Variants in ERC2 observed in about 807,000 individuals in gnomAD.
ERC2 encodes ELKS/RAB6-interacting/CAST family member 2.
In ERC2, 42 loss-of-function variants were observed where a neutral mutation model predicts 114.8. The observed-to-expected ratio is 0.37, with a 90% CI of 0.29 to 0.47. The LOEUF (loss-of-function observed/expected upper bound fraction) is 0.47. Ranked by LOEUF, ERC2 falls within the 20% of genes least tolerant of loss-of-function variation. The pLI is 0.99. For synonymous variants in ERC2, 454 were observed against 425.5 expected (o/e 1.07, Z -0.82); for missense variants, 939 against 1,150.7 (o/e 0.82, Z 2.66).
In ERC2 at chr3:55,992,047, T is replaced by G. The variant is rs374748921; in HGVS notation, c.2255+10A>C. 1.2e-6 allele frequency: 2 copies of G among 1,610,422 alleles called. No individual in the cohort carries two copies. Among genetic ancestry groups the G allele is most frequent in the East Asian group, 2.2e-5 (1 of 44,824 alleles). On this transcript the variant is annotated intron_variant, in intron 11 of 17. Coordinates refer to ENST00000288221, the MANE Select transcript of ERC2 (RefSeq NM_015576.3). The stretch of plus-strand genomic sequence containing the variant: ...TCACTGCCAACAATTTATATAACTG[T>G]AAAATTTACCTCTCCAGTTCTGCGA...
intron 3 of ERC2, among the ~76,000 whole-genome samples, chr3:56,273,601 CTG>C (rs1286736219): frequency 7.8e-6 from 1 of 128,996 alleles, no homozygotes; most frequent in Non-Finnish European, 1.8e-5. Context: ...ATCAAACAAA[CTG>C]TATTTTTTTT....
At chr3:55,553,213 G>A (rs997075038) in intron 17 of ERC2, among the ~76,000 whole-genome samples, 3 of 150,574 alleles carry the variant, frequency 2.0e-5, no homozygotes, top group Non-Finnish European at 3.0e-5. Flanking sequence ...GTAGAGACGG[G>A]GTTTCATCAT....
At chr3:55,691,757 C>T (rs895498020) in intron 16 of ERC2, among the ~76,000 whole-genome samples, 1 of 151,376 alleles carries the variant, frequency 6.6e-6, no homozygotes, top group African/African-American at 2.4e-5. Flanking sequence ...TTAGTAAGCC[C>T]TGATATACGG....
chr3:56,293,898 G>A (rs1293071460), intron 3 of ERC2, among the ~76,000 whole-genome samples: 3 of 152,198 alleles, frequency 2.0e-5, no homozygotes, highest in Admixed American at 1.3e-4. Flanking sequence ...CTATCAATGA[G>A]CAGAATCTAA....
At chr3:55,615,219 T>C (rs1013410468) in intron 17 of ERC2, among the ~76,000 whole-genome samples, 5 of 152,242 alleles carry the variant, frequency 3.3e-5, no homozygotes, top group Non-Finnish European at 1.5e-5. Flanking sequence ...AGTACTGTTC[T>C]ACACTTTGTA....
At chr3:56,186,353 T>C (rs1422555375) in intron 3 of ERC2, among the ~76,000 whole-genome samples, 1 of 148,976 alleles carries the variant, frequency 6.7e-6, no homozygotes, top group African/African-American at 2.5e-5. Flanking sequence ...TGTTGGAGAG[T>C]TTTTTTTTCT....
At chr3:56,031,619 A>C (rs143393021) in intron 7 of ERC2, among the ~76,000 whole-genome samples, 1 of 152,222 alleles carries the variant, frequency 6.6e-6, no homozygotes, top group Non-Finnish European at 1.5e-5. Flanking sequence ...ATACCACCCA[A>C]TGAACAAAAT....
At chr3:56,260,666 T>C (rs2052857619) in intron 3 of ERC2, among the ~76,000 whole-genome samples, 2 of 152,226 alleles carry the variant, frequency 1.3e-5, no homozygotes, top group African/African-American at 4.8e-5. Flanking sequence ...TATTAACCGC[T>C]ATGCTCCACC....
At chr3:55,567,329 T>C (rs560558182) in intron 17 of ERC2, among the ~76,000 whole-genome samples, 23 of 152,082 alleles carry the variant, frequency 1.5e-4, no homozygotes, top group African/African-American at 5.5e-4. Flanking sequence ...GAGGCCAGAA[T>C]GTTGGGAAAG....
At position 56,280,170 on chromosome 3, in the gene ERC2, G is replaced by C. The variant is rs540708344; in HGVS notation, c.1074+15849C>G. On this transcript the variant is annotated intron_variant, in intron 3 of 17. Transcript: ENST00000288221. The stretch of plus-strand genomic sequence containing the variant: ...TTTCAGTGTTGGCTGGAAAATGGAG[G>C]GGGGTGCCACAAGCCAAGGAGTGCA... Among the ~76,000 whole-genome samples, 14 of 152,208 alleles carry C rather than the reference G, an allele frequency of 9.2e-5. No individual in the cohort carries two copies. The South Asian group carries it at 2.7e-3, about 29-fold the overall frequency.
chr3:56,000,847 G>C (rs2071990195), intron 10 of ERC2, among the ~76,000 whole-genome samples: 1 of 150,648 alleles, frequency 6.6e-6, no homozygotes. Context: ...GAGCCCAGGA[G>C]TTTGAGACCA....
At chr3:55,923,775 T>G (rs1345093287) in intron 13 of ERC2, among the ~76,000 whole-genome samples, 1 of 152,030 alleles carries the variant, frequency 6.6e-6, no homozygotes, top group Non-Finnish European at 1.5e-5. Context: ...GCCTCTAGCT[T>G]AAGACAAATG....
At chr3:55,888,321 C>T in intron 14 of ERC2, 68 bp downstream of exon 14, 3 of 1,567,288 alleles carry the variant, frequency 1.9e-6, no homozygotes, top group Non-Finnish European at 2.6e-6. Flanking sequence ...CTTCTCTAGC[C>T]CTTCCCCTTT....
intron 14 of ERC2, among the ~76,000 whole-genome samples, chr3:55,857,176 A>G (rs1559771452): frequency 6.6e-6 from 1 of 152,200 alleles, no homozygotes; most frequent in Admixed American, 6.5e-5. Context: ...TTTTATTTCA[A>G]TTTTATAAAT....
At chr3:56,343,192 T>TCACACACACACA (rs61632315) in intron 2 of ERC2, among the ~76,000 whole-genome samples, 26,765 of 125,676 alleles carry the variant, frequency 0.21, 3,136 homozygotes, top group Non-Finnish European at 0.27. Flanking sequence ...TCTCTCTCTC[T>TCACACACACACA]CACACACACA....
chr3:56,352,207 A>C (rs544948997), intron 2 of ERC2, among the ~76,000 whole-genome samples: 1 of 152,358 alleles, frequency 6.6e-6, no homozygotes, highest in East Asian at 1.9e-4. Flanking sequence ...AGATATTTAG[A>C]CTGGAGGCAG....
At chr3:55,743,593 CAAAAAAAAA>C (rs367859231) in intron 14 of ERC2, among the ~76,000 whole-genome samples, 20 of 97,198 alleles carry the variant, frequency 2.1e-4, no homozygotes, top group African/African-American at 7.9e-4. Context: ...CCTGATCCAC[CAAAAAAAAA>C]AAAAAAAAAA....
chr3:55,573,006 T>G (rs2056800460), intron 17 of ERC2, among the ~76,000 whole-genome samples: 1 of 152,204 alleles, frequency 6.6e-6, no homozygotes, highest in Non-Finnish European at 1.5e-5. Flanking sequence ...AACAAGTTGC[T>G]TAACTTCTCT....
At chr3:55,650,448 C>T (rs1396334110) in intron 17 of ERC2, among the ~76,000 whole-genome samples, 1 of 152,180 alleles carries the variant, frequency 6.6e-6, no homozygotes, top group East Asian at 1.9e-4. Flanking sequence ...TCACATCAGC[C>T]CTTCAAACTA....
Sources: gnomAD v4.1 joint callset for allele counts (sites outside exome capture counted in the v4.1 genomes callset) on GRCh38, gnomAD v4.1.1 for gene constraint, MANE v1.5 for transcripts, NCBI Gene and HGNC (gene_info 2026-07-23, HGNC 2026-07-21) for gene names.